Variants in C10orf90 observed in about 807,000 individuals in gnomAD.
C10orf90 encodes (E2-independent) E3 ubiquitin-conjugating enzyme FATS.
A neutral mutation model predicts 62.5 loss-of-function variants in C10orf90; 56 were observed. That is an observed-to-expected ratio of 0.90 (90% CI 0.72 to 1.12). The LOEUF is 1.12. Among genes scored for constraint, C10orf90 ranks in the 50% most tolerant of loss-of-function variants. The pLI, the probability that C10orf90 is intolerant of heterozygous loss-of-function variation, is 0.00. For missense variants in C10orf90, 970 were observed against 880.4 expected (o/e 1.10, Z -1.29); for synonymous variants, 386 against 340.4 (o/e 1.13, Z -1.47).
chr10:126,503,049 G>T (rs1862494709), intron 4 of C10orf90, among the ~76,000 whole-genome samples: 1 of 152,138 alleles, frequency 6.6e-6, no homozygotes, highest in East Asian at 1.9e-4. Flanking sequence ...AAATTATGAT[G>T]CATATCCTGC....
chr10:126,634,542 A>G (rs1486047779), intron 2 of C10orf90, among the ~76,000 whole-genome samples: 2 of 152,298 alleles, frequency 1.3e-5, no homozygotes, highest in East Asian at 3.9e-4. Context: ...GATCCACTAT[A>G]CAACATTGCA....
intron 2 of C10orf90, among the ~76,000 whole-genome samples, chr10:126,557,726 A>C (rs1864809351): frequency 6.6e-6 from 1 of 152,338 alleles, no homozygotes; most frequent in Non-Finnish European, 1.5e-5. Flanking sequence ...AGATTCACCC[A>C]GGTTAACACT....
chr10:126,620,098 T>TAAAAAA (rs1845617503), intron 2 of C10orf90, among the ~76,000 whole-genome samples: 1 of 152,182 alleles, frequency 6.6e-6, no homozygotes, highest in Admixed American at 6.5e-5. Context: ...TGGTGTCTTT[T>TAAAAAA]ATGAGCAAGA....
At chr10:126,607,335 A>G (rs2133794646) in intron 2 of C10orf90, among the ~76,000 whole-genome samples, 1 of 152,310 alleles carries the variant, frequency 6.6e-6, no homozygotes, top group East Asian at 1.9e-4. Context: ...CATTTGTACA[A>G]TTGTTACTCA....
At chr10:126,573,054 G>A (rs540099216) in intron 2 of C10orf90, among the ~76,000 whole-genome samples, 9 of 152,154 alleles carry the variant, frequency 5.9e-5, no homozygotes, top group East Asian at 5.8e-4. Context: ...CTCAGACACC[G>A]AATTGTAGAA....
At chr10:126,592,088 G>A (rs952357307) in intron 2 of C10orf90, among the ~76,000 whole-genome samples, 4 of 152,082 alleles carry the variant, frequency 2.6e-5, no homozygotes, top group Non-Finnish European at 5.9e-5. Context: ...CTCATGAATA[G>A]GAAGAATCAA....
intron 2 of C10orf90, among the ~76,000 whole-genome samples, chr10:126,576,753 TA>T (rs1844632723): frequency 3.0e-5 from 2 of 67,096 alleles, no homozygotes; most frequent in African/African-American, 1.5e-4. Flanking sequence ...TATATACATA[TA>T]GATAATATGT....
intron 7 of C10orf90, among the ~76,000 whole-genome samples, chr10:126,442,118 G>A (rs1410537553): frequency 1.3e-5 from 2 of 151,928 alleles, no homozygotes; most frequent in Non-Finnish European, 2.9e-5. Context: ...ACTATAGAAT[G>A]CATAAGAATT....
At chr10:126,640,364 G>T (rs1222435619) in intron 2 of C10orf90, among the ~76,000 whole-genome samples, 1 of 152,236 alleles carries the variant, frequency 6.6e-6, no homozygotes, top group Non-Finnish European at 1.5e-5. Flanking sequence ...TTCCCACCCT[G>T]CTCCGCAGGT....
At chr10:126,592,893 T>C (rs1423484282) in intron 2 of C10orf90, among the ~76,000 whole-genome samples, 1 of 152,166 alleles carries the variant, frequency 6.6e-6, no homozygotes, top group East Asian at 1.9e-4. Flanking sequence ...GAACAGACAC[T>C]TCTCAAAAGA....
intron 2 of C10orf90, among the ~76,000 whole-genome samples, chr10:126,564,115 G>A (rs752999594): frequency 2.0e-4 from 31 of 152,084 alleles, no homozygotes; most frequent in Non-Finnish European, 4.0e-4. Context: ...GTCTGCTTGG[G>A]GAGACATGGA....
At chr10:126,537,864 G>A (rs1382262559) in intron 2 of C10orf90, among the ~76,000 whole-genome samples, 1 of 152,162 alleles carries the variant, frequency 6.6e-6, no homozygotes, top group Non-Finnish European at 1.5e-5. Context: ...GATCTTATTT[G>A]AAAGAGGATT....
intron 7 of C10orf90, among the ~76,000 whole-genome samples, chr10:126,434,809 T>C (rs979179866): frequency 1.3e-5 from 2 of 152,308 alleles, no homozygotes; most frequent in African/African-American, 4.8e-5. Flanking sequence ...TCCATCACGG[T>C]TCTCAGGGTT....
intron 2 of C10orf90, among the ~76,000 whole-genome samples, chr10:126,589,683 C>A (rs1345848456): frequency 2.0e-5 from 3 of 152,132 alleles, no homozygotes; most frequent in Admixed American, 2.0e-4. Context: ...ACCAGGCCTG[C>A]CTTGTAAGAG....
chr10:126,652,157 C>T (rs1328284912), intron 1 of C10orf90, among the ~76,000 whole-genome samples: 2 of 152,162 alleles, frequency 1.3e-5, no homozygotes, highest in East Asian at 3.8e-4. Context: ...TTAATGCAAC[C>T]CTGCACCTAT....
chr10:126,564,845 A>ATATATAATATATATTT lies in C10orf90; in HGVS notation c.314-50907_314-50906insAAATATATATTATATA, dbSNP rs1341338317. On this transcript the variant is annotated intron_variant, in intron 2 of 9. Coordinates refer to ENST00000488181, the MANE Select transcript of C10orf90 (RefSeq NM_001350921.2). ...GACTCTCTCTCTCTATATATATATTATATATTATATAAAATATATATTATA... is the reference window on the plus strand; with the variant it reads ...GACTCTCTCTCTCTATATATATATTATATATAATATATATTTTATATTATATAAAATATATATTATA... Among the ~76,000 whole-genome samples, 48 of 18,224 alleles carry ATATATAATATATATTT rather than the reference A, an allele frequency of 2.6e-3. 14 individuals carry two copies. Among genetic ancestry groups the ATATATAATATATATTT allele is most frequent in the African/African-American group, 0.011 (45 of 4,028 alleles). 12.0% of individuals were successfully genotyped at this position (18,224 alleles called of 152,430 possible). A position where few individuals can be genotyped will look rare whatever the true frequency, so the allele number is the denominator to read the frequency against.
At chr10:126,581,011 G>A (rs1206732036) in intron 2 of C10orf90, among the ~76,000 whole-genome samples, 1 of 152,066 alleles carries the variant, frequency 6.6e-6, no homozygotes, top group Non-Finnish European at 1.5e-5. Flanking sequence ...CCTTTCCCAG[G>A]CAAAACTACA....
At position 126,531,035 on chromosome 10, in the gene C10orf90, G is replaced by A. The variant is rs1016134851; in HGVS notation, c.314-17096C>T. ...CTAAAAATACAAAAATTAGCCGGGT[G>A]TGGTGGCGGGTGCCTGTAATCCCAG... On this transcript the variant is annotated intron_variant, in intron 2 of 9. Coordinates refer to ENST00000488181, the MANE Select transcript of C10orf90 (RefSeq NM_001350921.2). Among the ~76,000 whole-genome samples the A allele has an allele frequency of 4.8e-4, 73 of 152,008 alleles. 1 individual carries two copies. The Middle Eastern group carries it at 0.021, about 43-fold the overall frequency.
At chr10:126,547,896 A>C (rs1192921838) in intron 2 of C10orf90, among the ~76,000 whole-genome samples, 2 of 152,250 alleles carry the variant, frequency 1.3e-5, no homozygotes, top group African/African-American at 2.4e-5. Context: ...GTGAGACTGT[A>C]ATAAAAGATC....
Sources: allele counts gnomAD v4.1 joint callset (sites outside exome capture counted in the v4.1 genomes callset), GRCh38; gene constraint gnomAD v4.1.1; transcripts MANE v1.5; gene names NCBI Gene and HGNC (gene_info 2026-07-23, HGNC 2026-07-21).